SMARCA2: variants seen among roughly 807,000 people sequenced by gnomAD.
SMARCA2 encodes SWI/SNF related BAF chromatin remodeling complex subunit ATPase 2.
SMARCA2 carries 61 observed loss-of-function variants against 199.8 expected under a neutral mutation model. The ratio of observed to expected loss-of-function variants is 0.31; its 90% CI spans 0.25 to 0.38. The LOEUF (loss-of-function observed/expected upper bound fraction) is 0.38. SMARCA2 is among the 10% of genes least tolerant of loss of function. The probability of loss-of-function intolerance (pLI) is 1.00; values close to 1 mark genes in which losing one functional copy is unlikely to be tolerated. For missense variants in SMARCA2, 1,344 were observed against 2,012.2 expected, an observed-to-expected ratio of 0.67 and a Z score of 6.35; for synonymous variants, 935 against 732.0, an observed-to-expected ratio of 1.28 and a Z score of -4.48.
chr9:2,068,576 A>AT (rs1820946229), intron 9 of SMARCA2, among the ~76,000 whole-genome samples: 2 of 152,354 alleles, frequency 1.3e-5, no homozygotes, highest in African/African-American at 4.8e-5. Flanking sequence ...CATAGAAGGC[A>AT]AAACGTATTA....
rs77365770 is a variant in SMARCA2 at position 2,184,344 on chromosome 9, G to C, written c.4462-1752G>C. On this transcript the variant is annotated intron_variant, in intron 31 of 33. Transcript: ENST00000349721. ...AGATGGAAACATCTTGCAAAACATA[G>C]GATAATATCTTTTTTTTTTTTTTTT... Among the ~76,000 whole-genome samples, 1,413 of 142,324 alleles carry C rather than the reference G, an allele frequency of 9.9e-3. 24 individuals are homozygous for C. The highest frequency in any genetic ancestry group is 0.035 in the African/African-American group (1,332 of 38,092). 93.4% of individuals were successfully genotyped at this position (142,324 alleles called of 152,430 possible).
intron 18 of SMARCA2, among the ~76,000 whole-genome samples, chr9:2,088,226 C>T (rs189749612): frequency 6.6e-6 from 1 of 152,318 alleles, no homozygotes; most frequent in African/African-American, 2.4e-5. Flanking sequence ...CAATTTGAGG[C>T]TGTTGACACT....
intron 27 of SMARCA2, among the ~76,000 whole-genome samples, chr9:2,137,848 T>C (rs1191315740): frequency 1.3e-5 from 2 of 152,202 alleles, no homozygotes; most frequent in Admixed American, 6.5e-5. Flanking sequence ...CATATCCTTT[T>C]GGCAAAGACA....
At chr9:2,138,428 G>A (rs894407335) in intron 27 of SMARCA2, among the ~76,000 whole-genome samples, 17 of 152,100 alleles carry the variant, frequency 1.1e-4, no homozygotes, top group African/African-American at 4.1e-4. Flanking sequence ...AGTATTTAAG[G>A]TCACTATGCT....
chr9:2,136,191 T>TC (rs1453307890), intron 27 of SMARCA2, among the ~76,000 whole-genome samples: 2 of 151,244 alleles, frequency 1.3e-5, no homozygotes, highest in East Asian at 3.9e-4. Context: ...TGCTTCTTTT[T>TC]TTTTTTTTTT....
chr9:2,058,597 C>T, intron 8 of SMARCA2, 133 bp downstream of exon 8: 3 of 746,374 alleles, frequency 4.0e-6, no homozygotes, highest in South Asian at 3.8e-5. Flanking sequence ...TTTCTTTGAA[C>T]CTTAGGGAGA....
intron 29 of SMARCA2, among the ~76,000 whole-genome samples, chr9:2,179,544 T>C (rs1479739283): frequency 6.6e-6 from 1 of 152,208 alleles, no homozygotes; most frequent in Non-Finnish European, 1.5e-5. Flanking sequence ...TGTCTCCTTA[T>C]GGGGTTTAGA....
intron 28 of SMARCA2, among the ~76,000 whole-genome samples, chr9:2,164,397 A>G (rs937177584): frequency 3.3e-5 from 5 of 152,316 alleles, no homozygotes; most frequent in Non-Finnish European, 5.9e-5. Flanking sequence ...TTCACCAGCT[A>G]TGGGACAGTG....
intron 4 of SMARCA2, 108 bp from the exon 5 acceptor site, chr9:2,047,120 AG>A (rs1819888264): frequency 1.2e-6 from 1 of 836,444 alleles, no homozygotes. Context: ...CAGGTGTTTA[AG>A]ACACTTAATG....
At chr9:2,149,328 G>C (rs1824933244) in intron 27 of SMARCA2, among the ~76,000 whole-genome samples, 1 of 108,384 alleles carries the variant, frequency 9.2e-6, no homozygotes, top group Middle Eastern at 5.3e-3. Context: ...GACCAGCCTG[G>C]CCAGCATGGT....
At chr9:2,118,595 G>C (rs1823320103) in intron 25 of SMARCA2, among the ~76,000 whole-genome samples, 1 of 152,246 alleles carries the variant, frequency 6.6e-6, no homozygotes, top group African/African-American at 2.4e-5. Flanking sequence ...AGCCCACTCA[G>C]CATATGATAA....
At chr9:2,125,739 C>A (rs538649396) in intron 27 of SMARCA2, among the ~76,000 whole-genome samples, 1 of 152,230 alleles carries the variant, frequency 6.6e-6, no homozygotes, top group Non-Finnish European at 1.5e-5. Context: ...ATCCACCTGC[C>A]TTGGCCTCCC....
In SMARCA2 at chr9:2,181,571, T is replaced by A. The variant is rs757469673; in HGVS notation, c.4254T>A (p.Ser1418Arg). Residue 1418 changes from serine to arginine, a missense_variant and splice_region_variant, in exon 30 of 34, where the codon AGT (serine) becomes AGA (arginine). By Grantham distance (110) the Ser-to-Arg change is moderately radical (BLOSUM62 -1). Around this residue, in one of 18 missense-constraint regions of SMARCA2, gnomAD observed 151 missense variants for 154.0 expected, o/e 0.98. Coordinates refer to ENST00000349721, the MANE Select transcript of SMARCA2 (RefSeq NM_003070.5). ...TTTGTTTGTTTCACCCATCCTACAG[T>A]TCAGGGCGACAGCTCAGTGAAGTCT... ...SNSQLEIEGNSSGRQLSEVFI... is the reference protein window; with the variant it reads ...SNSQLEIEGNRSGRQLSEVFI... 6.5e-7 allele frequency: 1 copy of A among 1,541,350 alleles called. No individual in the cohort carries two copies.
rs771835700 is a variant in SMARCA2 at position 2,081,812 on chromosome 9, G to C, written c.2185-20G>C. The C allele has an allele frequency of 3.1e-6, 5 of 1,611,294 alleles. No homozygotes were observed. Among genetic ancestry groups the C allele is most frequent in the African/African-American group, 1.3e-5 (1 of 74,780 alleles). On this transcript the variant is annotated intron_variant, in intron 14 of 33. Coordinates refer to ENST00000349721, the MANE Select transcript of SMARCA2 (RefSeq NM_003070.5). ...CCTGTGCAGATCTTGGATAATTGAA[G>C]CAATTACTCTTCATTTCAGCTCCAG... is the stretch of plus-strand genomic sequence containing the variant.
At position 2,056,667 on chromosome 9, in the gene SMARCA2, G is replaced by C; in HGVS notation, c.1174-5G>C. The C allele has an allele frequency of 6.2e-7, 1 of 1,612,104 alleles. No homozygotes were observed. Among genetic ancestry groups the C allele is most frequent in the Non-Finnish European group, 8.5e-7 (1 of 1,179,298 alleles). On this transcript the variant is annotated splice_region_variant and splice_polypyrimidine_tract_variant and intron_variant, in intron 6 of 33. Transcript: ENST00000349721. The surrounding 1 kb of genome is among the most constrained non-coding windows in gnomAD (Gnocchi z 4.0). ...AAGGCTGTCTAACTGCTCTCTTCTT[G>C]ACAGCTGAGACAGGAGGTGGTGGCC...
intron 4 of SMARCA2, chr9:2,040,117 T>A: frequency 1.0e-6 from 1 of 988,514 alleles, no homozygotes; most frequent in Admixed American, 3.0e-5. Context: ...AAAAGGTGGT[T>A]GTGCAAGCTG....
rs867266817 is a variant in SMARCA2, at chr9:2,130,270, C to T, written c.3981+6333C>T. 1.6e-4 allele frequency among the ~76,000 whole-genome samples: 24 copies of T among 152,328 alleles called. No individual in the cohort carries two copies. In the Middle Eastern group the frequency reaches 0.01, roughly 65 times the overall value. On this transcript the variant is annotated intron_variant, in intron 27 of 33. Coordinates refer to ENST00000349721, the MANE Select transcript of SMARCA2 (RefSeq NM_003070.5). Reference sequence around the variant, plus strand: ...GGCTCTCCTCCTTGCCTTCCTGTTACGTGGCAACTTCCTGTTCCCGAGTGA... The same window carrying T: ...GGCTCTCCTCCTTGCCTTCCTGTTATGTGGCAACTTCCTGTTCCCGAGTGA...
At chr9:2,131,818 T>A (rs1823971246) in intron 27 of SMARCA2, among the ~76,000 whole-genome samples, 1 of 151,744 alleles carries the variant, frequency 6.6e-6, no homozygotes, top group African/African-American at 2.4e-5. Context: ...CGGGTGCCTG[T>A]AATCCCAGCT....
Position 2,056,623 on chromosome 9 carries a change from A to G in SMARCA2, c.1174-49A>G. 1 of 1,565,654 alleles carries G rather than the reference A, an allele frequency of 6.4e-7. No homozygotes were observed. Among genetic ancestry groups the G allele is most frequent in the Non-Finnish European group, 8.7e-7 (1 of 1,154,296 alleles). ...AACCGCGAGAAGGCCAGAGTTCAGG[A>G]ACCTAGCTTCTGTTAGGGAAGGCTG... On this transcript the variant is annotated intron_variant, in intron 6 of 33. Coordinates refer to ENST00000349721, the MANE Select transcript of SMARCA2 (RefSeq NM_003070.5). This position sits in a 1 kb window ranked among gnomAD's most constrained non-coding sequence, Gnocchi z 4.0.
Sources: allele counts gnomAD v4.1 joint callset (sites outside exome capture counted in the v4.1 genomes callset), GRCh38; gene constraint gnomAD v4.1.1; regional missense constraint gnomAD v4.1.1; non-coding constraint Gnocchi (gnomAD v3.1); transcripts MANE v1.5; gene names NCBI Gene and HGNC (gene_info 2026-07-23, HGNC 2026-07-21).